The following LSAMP variants were observed in gnomAD, a reference collection of about 807,000 sequenced individuals.
LSAMP encodes the protein limbic system-associated membrane protein.
Under a neutral mutation model 38.6 loss-of-function variants are expected in LSAMP, and 7 were observed. The observed-to-expected ratio is 0.18, with a 90% confidence interval of 0.10 to 0.34. LSAMP has a LOEUF of 0.34. Ranked by LOEUF, LSAMP falls within the 10% of genes least tolerant of loss-of-function variation. The pLI is 1.00. For missense variants in LSAMP, 313 were observed against 420.0 expected (o/e 0.75, Z 2.23); for synonymous variants, 154 against 166.8 (o/e 0.92, Z 0.59).
intron 1 of LSAMP, among the ~76,000 whole-genome samples, chr3:116,313,926 C>T (rs1181724004): frequency 2.0e-5 from 3 of 152,318 alleles, no homozygotes; most frequent in Admixed American, 6.5e-5. Flanking sequence ...TGCACTCCAG[C>T]CTGGGCTACA....
At chr3:116,238,349 A>C (rs965946241) in intron 1 of LSAMP, among the ~76,000 whole-genome samples, 10 of 152,200 alleles carry the variant, frequency 6.6e-5, no homozygotes, top group Non-Finnish European at 8.8e-5. Context: ...TTTTTGAAAC[A>C]TGGTTGAGAT....
chr3:116,442,865 C>A (rs891452011), intron 1 of LSAMP, among the ~76,000 whole-genome samples: 1 of 152,140 alleles, frequency 6.6e-6, no homozygotes, highest in Admixed American at 6.5e-5. Context: ...CATAGACATA[C>A]AAAAGCACAT....
rs1012811293 is a variant in LSAMP at position 116,014,680 on chromosome 3, A to G, written c.514+4835T>C. Among the ~76,000 whole-genome samples, 6 of 152,186 alleles carry G rather than the reference A, an allele frequency of 3.9e-5. No individual in the cohort carries two copies. In the East Asian group the frequency reaches 1.2e-3, roughly 29 times the overall value. On this transcript the variant is annotated intron_variant, in intron 3 of 6. Transcript: ENST00000490035. ...TGGAAGGTCCACACAAGAAAGCCCC[A>G]GAGAAATAATTTCCTGAAACTTGAA...
chr3:116,141,775 A>C (rs893536204), intron 1 of LSAMP, among the ~76,000 whole-genome samples: 2 of 151,968 alleles, frequency 1.3e-5, no homozygotes, highest in Non-Finnish European at 2.9e-5. Context: ...TCCGGAGCTA[A>C]AATGGCCTTT....
intron 1 of LSAMP, among the ~76,000 whole-genome samples, chr3:116,398,121 A>G (rs1302430846): frequency 2.6e-5 from 4 of 152,090 alleles, no homozygotes; most frequent in East Asian, 1.9e-4. Flanking sequence ...TCTGTTGCAG[A>G]AAAGCAAATA....
At chr3:115,819,042 C>T (rs1257981947) in intron 6 of LSAMP, among the ~76,000 whole-genome samples, 4 of 151,114 alleles carry the variant, frequency 2.6e-5, no homozygotes, top group Admixed American at 2.0e-4. Flanking sequence ...CCCAGCTACT[C>T]GGGAAGCTGA....
At chr3:116,042,465 C>G (rs1033168117) in intron 2 of LSAMP, among the ~76,000 whole-genome samples, 9 of 145,788 alleles carry the variant, frequency 6.2e-5, no homozygotes, top group African/African-American at 2.3e-4. Context: ...GTGTCTTGCT[C>G]TGTTGCCAGG....
At chr3:115,995,931 T>A (rs1939803638) in intron 3 of LSAMP, among the ~76,000 whole-genome samples, 1 of 152,038 alleles carries the variant, frequency 6.6e-6, no homozygotes, top group Admixed American at 6.6e-5. Flanking sequence ...TAGCTTGAGA[T>A]ACAATATATT....
intron 4 of LSAMP, among the ~76,000 whole-genome samples, chr3:115,843,685 G>GC (rs540857895): frequency 6.8e-6 from 1 of 147,382 alleles, no homozygotes; most frequent in African/African-American, 2.5e-5. Flanking sequence ...CCTTGTTTCT[G>GC]ATATTTTTTT....
chr3:116,190,770 T>C (rs1710737337), intron 1 of LSAMP, among the ~76,000 whole-genome samples: 1 of 152,194 alleles, frequency 6.6e-6, no homozygotes. Context: ...GAATTACCCT[T>C]AGATGCCTTC....
In LSAMP at chr3:116,211,436, A is replaced by G. The variant is rs1033850384; in HGVS notation, c.156-124880T>C. 2.0e-5 allele frequency among the ~76,000 whole-genome samples: 3 copies of G among 152,208 alleles called. No individual in the cohort carries two copies. The East Asian group carries it at 5.8e-4, about 29-fold the overall frequency. On this transcript the variant is annotated intron_variant, in intron 1 of 6. Coordinates refer to ENST00000490035, the MANE Select transcript of LSAMP (RefSeq NM_002338.5). ...CAAAAATGTATACATGTTTCAAAGC[A>G]TCATGTTGTTCACCGTTAATATAAA...
At chr3:115,923,681 T>C (rs185706554) in intron 3 of LSAMP, among the ~76,000 whole-genome samples, 353 of 152,332 alleles carry the variant, frequency 2.3e-3, no homozygotes, top group Non-Finnish European at 4.2e-3. Context: ...ATATCATTCC[T>C]GAATACACTA....
intron 1 of LSAMP, among the ~76,000 whole-genome samples, chr3:116,257,508 T>C (rs2046767070): frequency 6.6e-6 from 1 of 152,180 alleles, no homozygotes; most frequent in African/African-American, 2.4e-5. Flanking sequence ...GACAGTTTTA[T>C]GAAACAAATT....
At chr3:116,319,740 G>A (rs967419941) in intron 1 of LSAMP, among the ~76,000 whole-genome samples, 2 of 151,024 alleles carry the variant, frequency 1.3e-5, no homozygotes, top group African/African-American at 4.9e-5. Flanking sequence ...GTAAATGCTC[G>A]CTTTTTATTA....
intron 3 of LSAMP, among the ~76,000 whole-genome samples, chr3:115,963,782 C>G (rs1170888619): frequency 6.6e-6 from 1 of 152,180 alleles, no homozygotes; most frequent in Non-Finnish European, 1.5e-5. Flanking sequence ...GAGATGGGGT[C>G]TTGCTGTGTT....
intron 1 of LSAMP, among the ~76,000 whole-genome samples, chr3:116,122,016 G>T (rs1335642266): frequency 6.6e-6 from 1 of 151,436 alleles, no homozygotes; most frequent in Non-Finnish European, 1.5e-5. Flanking sequence ...TCTAGAGTCT[G>T]TGCTGTTCAT....
At chr3:116,217,996 A>C (rs567228392) in intron 1 of LSAMP, among the ~76,000 whole-genome samples, 9 of 152,312 alleles carry the variant, frequency 5.9e-5, no homozygotes, top group Admixed American at 1.3e-4. Flanking sequence ...AAGCATGTCT[A>C]GTCTTAAACT....
intron 3 of LSAMP, among the ~76,000 whole-genome samples, chr3:115,992,046 A>G (rs1223263424): frequency 6.6e-6 from 1 of 152,138 alleles, no homozygotes; most frequent in Non-Finnish European, 1.5e-5. Context: ...GCATGGATGT[A>G]GAAACTAAGT....
At chr3:116,049,656 C>T (rs1322919951) in intron 2 of LSAMP, among the ~76,000 whole-genome samples, 1 of 152,056 alleles carries the variant, frequency 6.6e-6, no homozygotes, top group Non-Finnish European at 1.5e-5. Context: ...CCCATATGTT[C>T]CTGGATCAAT....
Sources: gnomAD v4.1 joint callset for allele counts (sites outside exome capture counted in the v4.1 genomes callset) on GRCh38, gnomAD v4.1.1 for gene constraint, MANE v1.5 for transcripts, NCBI Gene and HGNC (gene_info 2026-07-23, HGNC 2026-07-21) for gene names.